The following PCDHGA2 variants were observed in gnomAD, a reference collection of about 807,000 sequenced individuals.
PCDHGA2 encodes protocadherin gamma subfamily A, 2, also known as protocadherin gamma-A2.
Under a neutral mutation model 59.2 loss-of-function variants are expected in PCDHGA2, and 40 were observed. That is an observed-to-expected ratio of 0.68 (90% confidence interval 0.52 to 0.88). PCDHGA2 has a LOEUF of 0.88. Among genes scored for constraint, PCDHGA2 ranks in the 40% least tolerant of loss-of-function variants. The pLI, the probability that PCDHGA2 is intolerant of heterozygous loss-of-function variation, is 0.00. For missense variants in PCDHGA2, 1,226 were observed against 1,204.0 expected, an observed-to-expected ratio of 1.02 and a Z score of -0.27; for synonymous variants, 560 against 526.0, an observed-to-expected ratio of 1.06 and a Z score of -0.89.
At chr5:141,419,796 T>C (rs1334397368) in intron 1 of PCDHGA2, 1 of 1,614,026 alleles carries the variant, frequency 6.2e-7, no homozygotes, top group Admixed American at 1.7e-5. Flanking sequence ...CTAGTCGCTG[T>C]AAGAGATGGA....
In PCDHGA2 at chr5:141,340,396, G is replaced by T. The variant is rs147569184; in HGVS notation, c.1425G>T (p.Thr475=). The T allele has an allele frequency of 1.2e-6, 2 of 1,614,108 alleles. No homozygotes were observed. Among genetic ancestry groups the T allele is most frequent in the African/African-American group, 2.7e-5 (2 of 75,000 alleles). ...GAGGAGCCTCTGTCTTCTCAGTGACGGCCCATGACCCCGACAGCAACGACA... is the reference window on the plus strand; with the variant it reads ...GAGGAGCCTCTGTCTTCTCAGTGACTGCCCATGACCCCGACAGCAACGACA... ...NPRGASVFSV[T]AHDPDSNDNA... Residue 475 remains threonine, a synonymous_variant, in exon 1 of 4, where the codon ACG becomes ACT. Transcript: ENST00000394576.
rs1357901633 is a variant in PCDHGA2, at chr5:141,476,594, C to G, written c.2425-18213C>G. On this transcript the variant is annotated intron_variant, in intron 1 of 3. Transcript: ENST00000394576. This position sits in a 1 kb window ranked among gnomAD's most constrained non-coding sequence, Gnocchi z 7.6. ...GACGCGCTTTCCGCTCGAGAGCGCG[C>G]ACGATCCCGATGTGGGAAGCAACTC... The G allele has an allele frequency of 3.7e-6, 6 of 1,614,242 alleles. No homozygotes were observed. The highest frequency in any genetic ancestry group is 4.2e-6 in the Non-Finnish European group (5 of 1,180,040).
chr5:141,388,803 T>G lies in PCDHGA2; in HGVS notation c.2424+47408T>G, dbSNP rs774082539. The G allele has an allele frequency of 3.1e-6, 5 of 1,613,936 alleles. No individual in the cohort carries two copies. In the East Asian group the frequency reaches 1.1e-4, roughly 36 times the overall value. ...AATTACTGTTTTAAATACATTAGATTTTGAAGAAGTCAAAGAATATTCCAT... is the reference window on the plus strand; with the variant it reads ...AATTACTGTTTTAAATACATTAGATGTTGAAGAAGTCAAAGAATATTCCAT... On this transcript the variant is annotated intron_variant, in intron 1 of 3. Transcript: ENST00000394576.
intron 1 of PCDHGA2, chr5:141,388,283 C>T (rs1164558432): frequency 1.2e-6 from 2 of 1,613,304 alleles, no homozygotes; most frequent in East Asian, 4.5e-5. Flanking sequence ...CGCCAAAATT[C>T]ACGCAAAATT....
chr5:141,352,228 G>A (rs1370404445), intron 1 of PCDHGA2: 1 of 1,614,098 alleles, frequency 6.2e-7, no homozygotes, highest in Admixed American at 1.7e-5. Context: ...CCGCCACGCT[G>A]CACCTAATCT....
chr5:141,494,074 C>A (rs2099751716), intron 1 of PCDHGA2, among the ~76,000 whole-genome samples: 1 of 152,180 alleles, frequency 6.6e-6, no homozygotes, highest in Non-Finnish European at 1.5e-5. Context: ...GGATCCCTCC[C>A]CGCTGCATCC....
Position 141,340,551 on chromosome 5 carries a change from A to T in PCDHGA2, c.1580A>T (p.Asp527Val). Residue 527 changes from aspartate (D) to valine (V), a missense_variant, in exon 1 of 4, where the codon GAC becomes GTC. Asp to Val is a radical substitution (Grantham distance 152, BLOSUM62 -3). Transcript: ENST00000394576. ...TCCTTTGATTATGAGCAGTTGCGAG[A>T]CTTGCAAGTGTGGGTGATAGCGCGG... is the stretch of plus-strand genomic sequence containing the variant. ...LRSFDYEQLR[D>V]LQVWVIARDS... is the part of the protein sequence containing the mutation. 6 of 1,614,210 alleles carry T rather than the reference A, an allele frequency of 3.7e-6. No homozygotes were observed. Among genetic ancestry groups the T allele is most frequent in the Non-Finnish European group, 5.1e-6 (6 of 1,180,038 alleles).
At chr5:141,370,652 G>A in intron 1 of PCDHGA2, 1 of 1,613,890 alleles carries the variant, frequency 6.2e-7, no homozygotes, top group Non-Finnish European at 8.5e-7. Context: ...ACTTACTTGT[G>A]AGCGACCGTA....
chr5:141,444,151 G>T (rs1031944414), intron 1 of PCDHGA2, among the ~76,000 whole-genome samples: 1 of 92,746 alleles, frequency 1.1e-5, no homozygotes, highest in Non-Finnish European at 2.1e-5. Flanking sequence ...GTGTGTACTG[G>T]ATTTTTTTTT....
At chr5:141,422,769 T>C (rs1274700138) in intron 1 of PCDHGA2, 1 of 1,613,852 alleles carries the variant, frequency 6.2e-7, no homozygotes, top group Admixed American at 1.7e-5. Context: ...ACACTGGTGT[T>C]CTCTATGCCC....
chr5:141,348,698 G>T (rs945739744), intron 1 of PCDHGA2, among the ~76,000 whole-genome samples: 1 of 152,050 alleles, frequency 6.6e-6, no homozygotes, highest in East Asian at 1.9e-4. Flanking sequence ...TGAAGAATGG[G>T]CAAGAATCCA....
At chr5:141,399,557 TG>T in intron 1 of PCDHGA2, 1 of 1,613,968 alleles carries the variant, frequency 6.2e-7, no homozygotes, top group Non-Finnish European at 8.5e-7. Context: ...GACCTGGACT[TG>T]GGGTTGAACG....
rs538734954 is a variant in PCDHGA2 at position 141,494,863 on chromosome 5, C to T, written c.2481C>T (p.Ser827=). The change falls in exon 2 of 4, where the codon AGC becomes AGT. Residue 827 remains serine, a splice_region_variant and synonymous_variant. Coordinates refer to ENST00000394576, the MANE Select transcript of PCDHGA2 (RefSeq NM_018915.4). The part of the protein sequence containing the change: ...RFSQAQRPGT[S]GSQNGDDTGT... ...CTCAGGCCCAGAGACCCGGCACCAG[C>T]GGGTAGGTGACTGATTCTCCAGCCC... 2 of 1,614,118 alleles carry T rather than the reference C, an allele frequency of 1.2e-6. No individual in the cohort carries two copies. Among genetic ancestry groups the T allele is most frequent in the East Asian group, 2.2e-5 (1 of 44,874 alleles).
rs751560177 is a variant in PCDHGA2 at position 141,432,962 on chromosome 5, G to T, written c.2425-61845G>T. 7 of 1,614,092 alleles carry T rather than the reference G, an allele frequency of 4.3e-6. No individual in the cohort carries two copies. The highest frequency in any genetic ancestry group is 5.9e-6 in the Non-Finnish European group (7 of 1,180,046). Reference sequence around the variant, plus strand: ...GGCTTCAGGAGGCGGCTTGACAGGAGCGCCGGCGTCGCACTTTGTGGGCGT... The same window carrying T: ...GGCTTCAGGAGGCGGCTTGACAGGATCGCCGGCGTCGCACTTTGTGGGCGT... On this transcript the variant is annotated intron_variant, in intron 1 of 3. Transcript: ENST00000394576. The surrounding 1 kb of genome is among the most constrained non-coding windows in gnomAD (Gnocchi z 6.0).
intron 1 of PCDHGA2, among the ~76,000 whole-genome samples, chr5:141,488,238 C>T (rs374846692): frequency 5.3e-5 from 8 of 152,036 alleles, no homozygotes; most frequent in Non-Finnish European, 1.0e-4. Flanking sequence ...GAACTAGATG[C>T]GGTAAATTGG....
intron 1 of PCDHGA2, chr5:141,394,998 G>C: frequency 2.5e-6 from 4 of 1,614,010 alleles, no homozygotes; most frequent in Non-Finnish European, 3.4e-6. Context: ...CCAGGATTCC[G>C]GTGGCAGATT....
In PCDHGA2 at chr5:141,432,931, G is replaced by A. The variant is rs2097550450; in HGVS notation, c.2425-61876G>A. The A allele has an allele frequency of 6.2e-7, 1 of 1,614,198 alleles. No individual in the cohort carries two copies. The highest frequency in any genetic ancestry group is 2.2e-5 in the East Asian group (1 of 44,864). Reference sequence around the variant, plus strand: ...TGCGGCGCTGGCACAAGTCACGCCTGCTGCAGGCTTCAGGAGGCGGCTTGA... The same window carrying A: ...TGCGGCGCTGGCACAAGTCACGCCTACTGCAGGCTTCAGGAGGCGGCTTGA... On this transcript the variant is annotated intron_variant, in intron 1 of 3. Transcript: ENST00000394576. The surrounding 1 kb of genome is among the most constrained non-coding windows in gnomAD (Gnocchi z 6.0).
intron 1 of PCDHGA2, chr5:141,428,441 G>C: frequency 2.6e-6 from 1 of 389,280 alleles, no homozygotes; most frequent in Non-Finnish European, 4.9e-6. Context: ...ACTAGACCAG[G>C]GGTTTTTCCC....
At chr5:141,470,001 C>T (rs753591964) in intron 1 of PCDHGA2, among the ~76,000 whole-genome samples, 6 of 152,006 alleles carry the variant, frequency 3.9e-5, no homozygotes, top group Admixed American at 1.3e-4. Context: ...CGTCGTGGCA[C>T]GCCTGTAATC....
Sources: gnomAD v4.1 joint callset for allele counts (sites outside exome capture counted in the v4.1 genomes callset) on GRCh38, gnomAD v4.1.1 for gene constraint, Gnocchi (gnomAD v3.1) non-coding constraint, MANE v1.5 for transcripts, NCBI Gene and HGNC (gene_info 2026-07-23, HGNC 2026-07-21) for gene names.